The following ITPK1 variants were observed in gnomAD, a reference collection of about 807,000 sequenced individuals.
The protein encoded by ITPK1 is inositol 1,3,4-trisphosphate 5/6-kinase.
Under a neutral mutation model 45.3 loss-of-function variants are expected in ITPK1, and 21 were observed. That is an observed-to-expected ratio of 0.46 (90% CI 0.33 to 0.67). The LOEUF (loss-of-function observed/expected upper bound fraction) is 0.67, where lower values mean the gene tolerates loss of function less well. ITPK1 is among the 30% of genes least tolerant of loss of function. The pLI, the probability that ITPK1 is intolerant of heterozygous loss-of-function variation, is 0.02. For missense variants in ITPK1, 474 were observed against 573.5 expected (o/e 0.83, Z 1.77); for synonymous variants, 258 against 253.6 (o/e 1.02, Z -0.16).
chr14:93,066,236 G>A (rs1343419595), intron 3 of ITPK1: 1 of 455,740 alleles, frequency 2.2e-6, no homozygotes, highest in Non-Finnish European at 4.4e-6. Context: ...TCAGAGACCA[G>A]CAAGTCCCAG....
intron 4 of ITPK1, among the ~76,000 whole-genome samples, chr14:93,013,305 A>G (rs1330717684): frequency 1.2e-5 from 1 of 81,046 alleles, no homozygotes; most frequent in Non-Finnish European, 2.8e-5. Context: ...AAACAAAAAC[A>G]AAAAAAATCC....
chr14:92,998,601 G>T (rs1008145558), intron 4 of ITPK1, among the ~76,000 whole-genome samples: 1 of 152,212 alleles, frequency 6.6e-6, no homozygotes, highest in Non-Finnish European at 1.5e-5. Flanking sequence ...TGACGCATGA[G>T]GCTGGGAGGT....
At chr14:93,015,219 C>T (rs925446521) in intron 4 of ITPK1, among the ~76,000 whole-genome samples, 2 of 152,204 alleles carry the variant, frequency 1.3e-5, no homozygotes, top group Non-Finnish European at 1.5e-5. Context: ...GACTGACCCC[C>T]GGCTCTGCTG....
chr14:93,023,958 C>A (rs961176006), intron 3 of ITPK1, among the ~76,000 whole-genome samples: 3 of 152,162 alleles, frequency 2.0e-5, no homozygotes, highest in African/African-American at 7.2e-5. Context: ...AGGCCAGAGT[C>A]AGAGCTGATA....
intron 5 of ITPK1, among the ~76,000 whole-genome samples, chr14:92,993,404 G>A (rs1886891581): frequency 6.6e-6 from 1 of 152,196 alleles, no homozygotes; most frequent in Non-Finnish European, 1.5e-5. Context: ...TGGCAGGGGA[G>A]GCGCCGCAGT....
chr14:92,961,352 T>C (rs1184838810), intron 7 of ITPK1, among the ~76,000 whole-genome samples: 2 of 152,210 alleles, frequency 1.3e-5, no homozygotes, highest in Admixed American at 1.3e-4. Flanking sequence ...CACAGGCTCC[T>C]TGGCTCTCTC....
At chr14:92,999,831 A>G (rs933180472) in intron 4 of ITPK1, among the ~76,000 whole-genome samples, 6 of 152,242 alleles carry the variant, frequency 3.9e-5, no homozygotes, top group African/African-American at 1.4e-4. Context: ...GAATATTAAC[A>G]GGGTTGTGCA....
At position 92,941,209 on chromosome 14, in the gene ITPK1, G is replaced by C; in HGVS notation, c.*352C>G. On this transcript the variant is annotated 3_prime_UTR_variant, in exon 11 of 11. Transcript: ENST00000267615. Reference sequence around the variant, plus strand: ...GGTCCCGGTCCACAGTGGCCATGGAGACCAACAGACAGGGATGTGCACAGA... The same window carrying C: ...GGTCCCGGTCCACAGTGGCCATGGACACCAACAGACAGGGATGTGCACAGA... 1 of 1,279,076 alleles carries C rather than the reference G, an allele frequency of 7.8e-7. No individual in the cohort carries two copies. Among genetic ancestry groups the C allele is most frequent in the East Asian group, 4.0e-5 (1 of 25,220 alleles). The allele number at this position is 1,279,076 out of a possible 1,614,324, so 79.2% of individuals were successfully genotyped here.
At chr14:93,092,319 C>A (rs1215957551) in intron 2 of ITPK1, among the ~76,000 whole-genome samples, 1 of 152,214 alleles carries the variant, frequency 6.6e-6, no homozygotes, top group African/African-American at 2.4e-5. Flanking sequence ...TCCATCCAGG[C>A]CTCCTGACCC....
rs1887944004 is a variant in ITPK1, at chr14:93,012,151, C to CCAG, written c.246+4524_246+4525insCTG. The stretch of plus-strand genomic sequence containing the variant: ...CGCATGACCAGCACTGGGCATGCGC[C>CCAG]GCCACCCAAACACTTAGGCACTGCA... On this transcript the variant is annotated intron_variant, in intron 4 of 10. Coordinates refer to ENST00000267615, the MANE Select transcript of ITPK1 (RefSeq NM_014216.6). The surrounding 1 kb of genome is among the most constrained non-coding windows in gnomAD (Gnocchi z 4.9). Among the ~76,000 whole-genome samples the CCAG allele has an allele frequency of 6.6e-6, 1 of 152,164 alleles. No individual in the cohort carries two copies. Among genetic ancestry groups the CCAG allele is most frequent in the Non-Finnish European group, 1.5e-5 (1 of 68,030 alleles).
At chr14:92,982,762 G>T (rs550545451) in intron 5 of ITPK1, among the ~76,000 whole-genome samples, 1 of 152,292 alleles carries the variant, frequency 6.6e-6, no homozygotes, top group Admixed American at 6.5e-5. Flanking sequence ...GCTTTCAAGG[G>T]GGAAACGCAA....
chr14:92,971,189 CA>C (rs1885635389), intron 5 of ITPK1, among the ~76,000 whole-genome samples: 1 of 152,212 alleles, frequency 6.6e-6, no homozygotes, highest in Non-Finnish European at 1.5e-5. Flanking sequence ...CCACCTCCCC[CA>C]CCCGACTGGG....
intron 3 of ITPK1, among the ~76,000 whole-genome samples, chr14:93,052,484 T>C (rs1208668575): frequency 6.6e-6 from 1 of 152,144 alleles, no homozygotes; most frequent in East Asian, 1.9e-4. Flanking sequence ...CCTGGCTGAC[T>C]CTCTGACCCA....
At chr14:93,037,306 A>ATGGGTGTGTG (rs1000733975) in intron 3 of ITPK1, among the ~76,000 whole-genome samples, 2 of 152,214 alleles carry the variant, frequency 1.3e-5, no homozygotes, top group Non-Finnish European at 1.5e-5. Context: ...GCATTTCACC[A>ATGGGTGTGTG]TGGGTGTGTG....
chr14:93,013,603 C>T (rs1009456875), intron 4 of ITPK1, among the ~76,000 whole-genome samples: 1 of 152,180 alleles, frequency 6.6e-6, no homozygotes, highest in South Asian at 2.1e-4. Flanking sequence ...GTGGAGAAGG[C>T]CCTTCAAGCT....
chr14:93,048,401 T>C (rs1419818743), intron 3 of ITPK1, among the ~76,000 whole-genome samples: 2 of 152,208 alleles, frequency 1.3e-5, no homozygotes, highest in South Asian at 2.1e-4. Flanking sequence ...TGACTAAAAA[T>C]GGCTTTAATC....
intron 2 of ITPK1, among the ~76,000 whole-genome samples, chr14:93,100,575 A>AGACAGACAGACAGACC (rs1892275237): frequency 9.5e-6 from 1 of 105,122 alleles, no homozygotes; most frequent in African/African-American, 2.7e-5. Flanking sequence ...AGAGAGAGAC[A>AGACAGACAGACAGACC]GACAGACAGA....
intron 4 of ITPK1, among the ~76,000 whole-genome samples, chr14:93,004,623 T>C (rs888214826): frequency 6.6e-6 from 1 of 151,952 alleles, no homozygotes; most frequent in African/African-American, 2.4e-5. Context: ...TATGAGTGTG[T>C]GTGTGTGCGT....
At position 93,076,941 on chromosome 14, in the gene ITPK1, C is replaced by A. The variant is rs1891245204; in HGVS notation, c.96-322G>T. On this transcript the variant is annotated intron_variant, in intron 2 of 10. Coordinates refer to ENST00000267615, the MANE Select transcript of ITPK1 (RefSeq NM_014216.6). The surrounding 1 kb of genome is among the most constrained non-coding windows in gnomAD (Gnocchi z 4.3). ...AGCCTGGGTCGTCCCAAGGCCCCTG[C>A]CACCAAGTTCACCACCATCCTCACC... 6.6e-6 allele frequency among the ~76,000 whole-genome samples: 1 copy of A among 152,190 alleles called. No homozygotes were observed. Among genetic ancestry groups the A allele is most frequent in the African/African-American group, 2.4e-5 (1 of 41,434 alleles).
Sources: gnomAD v4.1 joint callset for allele counts (sites outside exome capture counted in the v4.1 genomes callset) on GRCh38, gnomAD v4.1.1 for gene constraint, Gnocchi (gnomAD v3.1) non-coding constraint, MANE v1.5 for transcripts, NCBI Gene and HGNC (gene_info 2026-07-23, HGNC 2026-07-21) for gene names.